TASP1: variants seen among roughly 807,000 people sequenced by gnomAD.
TASP1 encodes the protein taspase 1.
TASP1 carries 16 observed loss-of-function variants against 56.6 expected under a neutral mutation model. The observed-to-expected ratio is 0.28, with a 90% CI of 0.19 to 0.43. TASP1 has a LOEUF of 0.43. Ranked by LOEUF, TASP1 falls within the 20% of genes least tolerant of loss-of-function variation. The pLI is 1.00. For missense variants in TASP1, 393 were observed against 511.6 expected (o/e 0.77, Z 2.24); for synonymous variants, 179 against 184.2 (o/e 0.97, Z 0.23).
intron 10 of TASP1, among the ~76,000 whole-genome samples, chr20:13,514,681 T>A (rs577015091): frequency 4.6e-5 from 7 of 152,176 alleles, no homozygotes; most frequent in Non-Finnish European, 7.4e-5. Flanking sequence ...CAACTGAGAT[T>A]TTTTAAAACA....
chr20:13,229,672 G>A, the TASP1 span, among the ~76,000 whole-genome samples: 2 of 152,172 alleles, frequency 1.3e-5, no homozygotes, highest in East Asian at 1.9e-4. Flanking sequence ...TTTCTTGTGA[G>A]TAAATTTCTA....
At chr20:13,396,729 GA>G (rs2041552734) in intron 13 of TASP1, among the ~76,000 whole-genome samples, 2 of 152,206 alleles carry the variant, frequency 1.3e-5, no homozygotes, top group Non-Finnish European at 2.9e-5. Context: ...AATGAGAAAG[GA>G]ATGCCATATG....
chr20:13,553,081 G>A (rs1476042202), intron 8 of TASP1, among the ~76,000 whole-genome samples: 1 of 152,036 alleles, frequency 6.6e-6, no homozygotes, highest in Non-Finnish European at 1.5e-5. Flanking sequence ...GACTACAGGT[G>A]CATGCCACCA....
chr20:13,628,547 C>A (rs922125933), intron 2 of TASP1, among the ~76,000 whole-genome samples: 9 of 152,270 alleles, frequency 5.9e-5, no homozygotes, highest in African/African-American at 1.9e-4. Context: ...TGTTTAGATA[C>A]TCTGGATTAG....
chr20:13,543,338 C>T (rs1036449610), intron 8 of TASP1, among the ~76,000 whole-genome samples: 7 of 152,290 alleles, frequency 4.6e-5, no homozygotes, highest in East Asian at 1.9e-4. Context: ...GTGGCTCACG[C>T]CTGTAATCCC....
chr20:13,486,238 A>C (rs2146533648), intron 10 of TASP1, among the ~76,000 whole-genome samples: 1 of 152,286 alleles, frequency 6.6e-6, no homozygotes, highest in South Asian at 2.1e-4. Context: ...TATTCACCAA[A>C]AAATAAGACT....
At chr20:13,201,367 G>A in the TASP1 span, among the ~76,000 whole-genome samples, 1 of 151,856 alleles carries the variant, frequency 6.6e-6, no homozygotes, top group African/African-American at 2.4e-5. Context: ...TAGAAAATCA[G>A]CAGGGCTTGC....
At chr20:13,458,604 G>A (rs1248582432) in intron 11 of TASP1, among the ~76,000 whole-genome samples, 1 of 152,018 alleles carries the variant, frequency 6.6e-6, no homozygotes, top group Admixed American at 6.6e-5. Context: ...GCCTCCCAAA[G>A]TGCTGAGATT....
At chr20:13,547,154 T>C (rs1450740970) in intron 8 of TASP1, among the ~76,000 whole-genome samples, 3 of 152,154 alleles carry the variant, frequency 2.0e-5, no homozygotes, top group Non-Finnish European at 4.4e-5. Flanking sequence ...AGTAACAAAA[T>C]GCTCACGCTT....
At chr20:13,317,639 A>G in the TASP1 span, among the ~76,000 whole-genome samples, 1 of 152,082 alleles carries the variant, frequency 6.6e-6, no homozygotes, top group Non-Finnish European at 1.5e-5. Context: ...ATAGACCTAC[A>G]CCAATAGAGT....
At chr20:13,274,342 C>T in the TASP1 span, among the ~76,000 whole-genome samples, 1 of 152,152 alleles carries the variant, frequency 6.6e-6, no homozygotes, top group Admixed American at 6.5e-5. Context: ...CGGTCCCTGC[C>T]GGCCCCGTCA....
chr20:13,250,354 C>G, the TASP1 span, among the ~76,000 whole-genome samples: 115 of 152,230 alleles, frequency 7.6e-4, 1 homozygote, highest in African/African-American at 2.6e-3. Flanking sequence ...GGCTCAGAGT[C>G]GATTCAGCTT....
chr20:13,117,570 C>G, the TASP1 span: 2 of 1,613,592 alleles, frequency 1.2e-6, no homozygotes, highest in Non-Finnish European at 1.7e-6. Context: ...CAAGGCTTAC[C>G]TCTACATAGA....
intron 11 of TASP1, among the ~76,000 whole-genome samples, chr20:13,470,057 C>T (rs1419906903): frequency 1.3e-5 from 2 of 151,690 alleles, no homozygotes; most frequent in Admixed American, 6.6e-5. Flanking sequence ...GATCTGCCTG[C>T]TTTGGTTTCT....
At chr20:13,208,250 C>T in the TASP1 span, among the ~76,000 whole-genome samples, 1 of 152,182 alleles carries the variant, frequency 6.6e-6, no homozygotes, top group Non-Finnish European at 1.5e-5. Context: ...ACAGCATCAT[C>T]TGGTGATAAC....
chr20:13,164,668 T>C, the TASP1 span: 1 of 947,350 alleles, frequency 1.1e-6, no homozygotes, highest in South Asian at 1.5e-5. Context: ...TGTGTGTCTT[T>C]GTGAGGCTTG....
At chr20:13,423,621 A>C (rs1049070366) in intron 12 of TASP1, among the ~76,000 whole-genome samples, 1 of 152,242 alleles carries the variant, frequency 6.6e-6, no homozygotes, top group African/African-American at 2.4e-5. Context: ...CATGCTTGTA[A>C]GTACATAGAG....
intron 6 of TASP1, among the ~76,000 whole-genome samples, chr20:13,574,002 T>C (rs573850473): frequency 6.6e-6 from 1 of 152,088 alleles, no homozygotes; most frequent in Admixed American, 6.5e-5. Context: ...GAAAGCTGCA[T>C]ATAGAGAGTA....
At chr20:13,261,493 G>A in the TASP1 span, among the ~76,000 whole-genome samples, 3 of 151,428 alleles carry the variant, frequency 2.0e-5, no homozygotes, top group Non-Finnish European at 2.9e-5. Flanking sequence ...TGGATCTTTA[G>A]AGAAAAGAAG....
Sources: allele counts gnomAD v4.1 joint callset (sites outside exome capture counted in the v4.1 genomes callset), GRCh38; gene constraint gnomAD v4.1.1; transcripts MANE v1.5; gene names NCBI Gene and HGNC (gene_info 2026-07-23, HGNC 2026-07-21).